TNNI3K: variants seen among roughly 807,000 people sequenced by gnomAD.
TNNI3K encodes TNNI3 interacting kinase.
Under a neutral mutation model 114.5 loss-of-function variants are expected in TNNI3K, and 140 were observed. The observed-to-expected ratio is 1.22, with a 90% confidence interval of 1.07 to 1.41. TNNI3K has a LOEUF of 1.41. TNNI3K is among the 40% of genes most tolerant of loss of function. The probability of loss-of-function intolerance (pLI) is 0.00; values close to 1 mark genes in which losing one functional copy is unlikely to be tolerated. For missense variants in TNNI3K, 1,125 were observed against 1,007.6 expected (o/e 1.12, Z -1.58); for synonymous variants, 347 against 347.5 (o/e 1.00, Z 0.02).
chr1:74,402,218 C>T (rs185073141), intron 17 of TNNI3K, among the ~76,000 whole-genome samples: 9 of 152,116 alleles, frequency 5.9e-5, no homozygotes, highest in East Asian at 5.8e-4. Context: ...TGGAATGGGG[C>T]GGTAGTAAGA....
chr1:74,380,141 G>A (rs1663124257), intron 17 of TNNI3K, among the ~76,000 whole-genome samples: 1 of 152,060 alleles, frequency 6.6e-6, no homozygotes, highest in African/African-American at 2.4e-5. Context: ...GCCTCATTCA[G>A]CCCAGACAGA....
chr1:74,289,869 A>G (rs1657569635), intron 5 of TNNI3K, among the ~76,000 whole-genome samples: 1 of 151,860 alleles, frequency 6.6e-6, no homozygotes, highest in African/African-American at 2.4e-5. Context: ...AAGGGCTGAA[A>G]TGAATTGTTA....
At chr1:74,355,295 GA>G (rs754252256) in intron 11 of TNNI3K, among the ~76,000 whole-genome samples, 3 of 152,038 alleles carry the variant, frequency 2.0e-5, no homozygotes, top group Non-Finnish European at 2.9e-5. Context: ...AAGTTGATTC[GA>G]AAGGTTTTCT....
chr1:74,543,805 C>A, intron 24 of TNNI3K, 101 bp from the exon 25 acceptor site: 1 of 1,330,676 alleles, frequency 7.5e-7, no homozygotes, highest in Non-Finnish European at 1.1e-6. Flanking sequence ...ATTGTCTGTT[C>A]ACATGATCTG....
At chr1:74,493,853 T>A (rs921565106) in intron 23 of TNNI3K, among the ~76,000 whole-genome samples, 1 of 152,234 alleles carries the variant, frequency 6.6e-6, no homozygotes, top group Non-Finnish European at 1.5e-5. Flanking sequence ...AACATTCCAT[T>A]GGCAAGTTTC....
rs970730684 is a variant in TNNI3K, at chr1:74,369,071, T to A, written c.1371T>A (p.His457Gln). ...LLRAGLPSHF[H>Q]LQLSEIEFHE... ...GAGCTGGATTGCCTTCACATTTCCA[T>A]CTTCAGCTCTCAGAAATTGAGTTCC... The change falls in exon 14 of 25, where the codon CAT (histidine) becomes CAA (glutamine). Residue 457 changes from histidine (H) to glutamine (Q), a missense_variant. Coordinates refer to ENST00000326637, the MANE Select transcript of TNNI3K (RefSeq NM_015978.3). 7.5e-6 allele frequency: 12 copies of A among 1,610,094 alleles called. No individual in the cohort carries two copies. In the African/African-American group the frequency reaches 1.5e-4, roughly 20 times the overall value.
At chr1:74,235,565 A>C in intron 1 of TNNI3K, 74 bp downstream of exon 1, 83 of 806,078 alleles carry the variant, frequency 1.0e-4, no homozygotes, top group Non-Finnish European at 1.3e-4. Flanking sequence ...CTAACAACTC[A>C]TTGGAATATG....
At chr1:74,332,194 A>G (rs1660237609) in intron 6 of TNNI3K, among the ~76,000 whole-genome samples, 1 of 152,136 alleles carries the variant, frequency 6.6e-6, no homozygotes, top group Non-Finnish European at 1.5e-5. Flanking sequence ...TATGAAATTA[A>G]TGAATTGCCA....
intron 5 of TNNI3K, among the ~76,000 whole-genome samples, chr1:74,296,821 T>C (rs1364909460): frequency 6.6e-6 from 1 of 152,164 alleles, no homozygotes; most frequent in Non-Finnish European, 1.5e-5. Context: ...TTTGATAGTA[T>C]TGTGTCTTTT....
chr1:74,278,714 T>C (rs1175438293), intron 5 of TNNI3K, among the ~76,000 whole-genome samples: 1 of 152,152 alleles, frequency 6.6e-6, no homozygotes, highest in Non-Finnish European at 1.5e-5. Flanking sequence ...TTTTAGAATA[T>C]TTTTGTCACC....
intron 23 of TNNI3K, among the ~76,000 whole-genome samples, chr1:74,525,000 TAGTA>T (rs1646484971): frequency 6.6e-6 from 1 of 152,186 alleles, no homozygotes; most frequent in Non-Finnish European, 1.5e-5. Context: ...TTCAATTATA[TAGTA>T]AGTATTTTAC....
intron 5 of TNNI3K, among the ~76,000 whole-genome samples, chr1:74,310,962 T>C (rs1658958841): frequency 6.6e-6 from 1 of 152,168 alleles, no homozygotes; most frequent in Admixed American, 6.5e-5. Context: ...TACTTTCCTC[T>C]CAGTACTTAC....
At chr1:74,517,263 C>A (rs1447230488) in intron 23 of TNNI3K, among the ~76,000 whole-genome samples, 1 of 152,172 alleles carries the variant, frequency 6.6e-6, no homozygotes, top group Non-Finnish European at 1.5e-5. Flanking sequence ...TTATTATATT[C>A]TGTCAGGTCA....
intron 17 of TNNI3K, among the ~76,000 whole-genome samples, chr1:74,388,230 A>G (rs1414742091): frequency 6.6e-6 from 1 of 152,038 alleles, no homozygotes; most frequent in Non-Finnish European, 1.5e-5. Flanking sequence ...GTGAGCCAAG[A>G]TTGCACCACT....
At chr1:74,347,653 C>A (rs1244006419) in intron 9 of TNNI3K, among the ~76,000 whole-genome samples, 3 of 152,198 alleles carry the variant, frequency 2.0e-5, no homozygotes, top group Admixed American at 2.0e-4. Context: ...CACATCCTCT[C>A]CAGCACCTGT....
chr1:74,391,364 T>C (rs886736543), intron 17 of TNNI3K, among the ~76,000 whole-genome samples: 2 of 152,142 alleles, frequency 1.3e-5, no homozygotes, highest in South Asian at 4.1e-4. Context: ...TGGAATAGAA[T>C]GGTGACAGTG....
At chr1:74,511,183 C>G (rs1570722902) in intron 23 of TNNI3K, among the ~76,000 whole-genome samples, 1 of 139,150 alleles carries the variant, frequency 7.2e-6, no homozygotes, top group Admixed American at 7.2e-5. Context: ...CGTGAGCTAC[C>G]GTGCCCGGCC....
At chr1:74,322,714 G>C (rs558155095) in intron 5 of TNNI3K, among the ~76,000 whole-genome samples, 1 of 152,048 alleles carries the variant, frequency 6.6e-6, no homozygotes, top group East Asian at 1.9e-4. Context: ...GCCCACCTCG[G>C]CCTCCCAAAG....
At chr1:74,541,567 A>G (rs1646727221) in intron 24 of TNNI3K, 1 of 152,220 alleles carries the variant, frequency 6.6e-6, no homozygotes, top group Non-Finnish European at 1.5e-5. Flanking sequence ...AACATAGGGC[A>G]TCCTTTGAAA....
Sources: gnomAD v4.1 joint callset for allele counts (sites outside exome capture counted in the v4.1 genomes callset) on GRCh38, gnomAD v4.1.1 for gene constraint, MANE v1.5 for transcripts, NCBI Gene and HGNC (gene_info 2026-07-23, HGNC 2026-07-21) for gene names.